ABI3BP: variants seen among roughly 807,000 people sequenced by gnomAD.
ABI3BP encodes target of Nesh-SH3.
ABI3BP carries 216 observed loss-of-function variants against 268.6 expected under a neutral mutation model. That is an observed-to-expected ratio of 0.80 (90% CI 0.72 to 0.90). The LOEUF (loss-of-function observed/expected upper bound fraction) is 0.90, where lower values mean the gene tolerates loss of function less well. ABI3BP is among the 40% of genes least tolerant of loss of function. The pLI is 0.00. For synonymous variants in ABI3BP, 730 were observed against 730.0 expected (o/e 1.00, Z 0.00); for missense variants, 2,090 against 2,182.4 (o/e 0.96, Z 0.84).
At chr3:100,880,023 T>A (rs555440267) in intron 6 of ABI3BP, among the ~76,000 whole-genome samples, 1 of 152,354 alleles carries the variant, frequency 6.6e-6, no homozygotes, top group East Asian at 1.9e-4. Flanking sequence ...ATTTCCAAGA[T>A]ACAGTGTTTA....
At chr3:100,977,685 T>G (rs900128129) in intron 1 of ABI3BP, among the ~76,000 whole-genome samples, 6 of 152,196 alleles carry the variant, frequency 3.9e-5, no homozygotes, top group African/African-American at 1.4e-4. Context: ...ATATTTTCAC[T>G]TCACTTTTTC....
Position 100,926,307 on chromosome 3 carries a change from A to G in ABI3BP, c.254T>C (p.Ile85Thr), listed in dbSNP as rs760200730. The change falls in exon 2 of 68, where the codon ATA (isoleucine) becomes ACA (threonine). Residue 85 changes from isoleucine (I) to threonine (T), a missense_variant. Physicochemically the swap from Ile to Thr is moderately conservative, Grantham distance 89. Transcript: ENST00000471714. ...LPAEGKFTEA[I>T]VDAEPKYLIV... ...CCGATACCCAAACACCTTACCAACT[A>G]TAGCTTCTGTGAATTTCCCTTCAGC... 3.7e-6 allele frequency: 6 copies of G among 1,613,158 alleles called. No homozygotes were observed. The South Asian group carries it at 6.6e-5, about 18-fold the overall frequency.
chr3:100,981,704 T>G (rs2089555661), intron 1 of ABI3BP, among the ~76,000 whole-genome samples: 1 of 152,212 alleles, frequency 6.6e-6, no homozygotes, highest in Non-Finnish European at 1.5e-5. Context: ...CAGGGAGAGC[T>G]GGATGAGAGT....
chr3:100,894,723 A>C (rs2153454385), intron 4 of ABI3BP, among the ~76,000 whole-genome samples: 1 of 152,096 alleles, frequency 6.6e-6, no homozygotes, highest in African/African-American at 2.4e-5. Flanking sequence ...GCAGATCACG[A>C]GGTCAGGAGA....
At chr3:100,887,683 C>G (rs1184779409) in intron 4 of ABI3BP, among the ~76,000 whole-genome samples, 1 of 152,008 alleles carries the variant, frequency 6.6e-6, no homozygotes, top group Non-Finnish European at 1.5e-5. Context: ...TTCCTCCACT[C>G]CTTACATCAG....
At chr3:100,944,236 C>A (rs932378527) in intron 1 of ABI3BP, among the ~76,000 whole-genome samples, 1 of 152,068 alleles carries the variant, frequency 6.6e-6, no homozygotes, top group African/African-American at 2.4e-5. Flanking sequence ...TTTTAAAAAT[C>A]CTGTCCTTAC....
At chr3:100,974,730 G>A (rs2085271470) in intron 1 of ABI3BP, among the ~76,000 whole-genome samples, 2 of 152,122 alleles carry the variant, frequency 1.3e-5, no homozygotes, top group African/African-American at 4.8e-5. Context: ...CTAGAGAAGG[G>A]AACTTTTATG....
intron 1 of ABI3BP, among the ~76,000 whole-genome samples, chr3:100,971,102 T>G (rs910022557): frequency 6.6e-6 from 1 of 152,212 alleles, no homozygotes; most frequent in African/African-American, 2.4e-5. Context: ...ATATACAGCA[T>G]TCCTCAGCAT....
chr3:100,985,067 C>T (rs980845586), intron 1 of ABI3BP, among the ~76,000 whole-genome samples: 1 of 151,338 alleles, frequency 6.6e-6, no homozygotes, highest in Non-Finnish European at 1.5e-5. Flanking sequence ...TCTTTCTCTA[C>T]ACACAAGTTT....
chr3:100,854,438 A>T (rs890216742), intron 14 of ABI3BP, among the ~76,000 whole-genome samples: 2 of 152,204 alleles, frequency 1.3e-5, no homozygotes, highest in Admixed American at 1.3e-4. Flanking sequence ...AACAATCAAC[A>T]GCTCTTGATT....
chr3:100,783,923 A>AT (rs1349498588), intron 57 of ABI3BP, among the ~76,000 whole-genome samples: 1 of 152,134 alleles, frequency 6.6e-6, no homozygotes, highest in Non-Finnish European at 1.5e-5. Context: ...TCTCAAGGAG[A>AT]TTTTAATAGG....
chr3:100,975,210 G>A (rs977030697), intron 1 of ABI3BP, among the ~76,000 whole-genome samples: 4 of 152,014 alleles, frequency 2.6e-5, no homozygotes, highest in Non-Finnish European at 5.9e-5. Context: ...AATCAAAAAT[G>A]TTTACACTTG....
chr3:100,824,526 A>G (rs2098328032), intron 36 of ABI3BP, among the ~76,000 whole-genome samples: 1 of 152,224 alleles, frequency 6.6e-6, no homozygotes, highest in Non-Finnish European at 1.5e-5. Context: ...CAAGGCACTT[A>G]CGATTATGTT....
chr3:100,944,920 C>G (rs1053351118), intron 1 of ABI3BP, among the ~76,000 whole-genome samples: 11 of 152,142 alleles, frequency 7.2e-5, no homozygotes, highest in African/African-American at 2.7e-4. Context: ...CTCAACTCCA[C>G]TGTGGGCATC....
In ABI3BP at chr3:100,765,895, A is replaced by G. The variant is rs767168486; in HGVS notation, c.4796T>C (p.Ile1599Thr). ...NGSFSGKNKS[I>T]QMTNQTFSTV... Reference sequence around the variant, plus strand: ...GGAAAATGTCTGATTTGTCATTTGAATGGACTTGTTCTTCCCACTGAATGA... The same window carrying G: ...GGAAAATGTCTGATTTGTCATTTGAGTGGACTTGTTCTTCCCACTGAATGA... The change falls in exon 63 of 68, where the codon ATT becomes ACT. Residue 1599 changes from isoleucine to threonine, a missense_variant. Physicochemically the swap from Ile to Thr is moderately conservative, Grantham distance 89. Transcript: ENST00000471714. 1 of 1,613,066 alleles carries G rather than the reference A, an allele frequency of 6.2e-7. No individual in the cohort carries two copies. The highest frequency in any genetic ancestry group is 1.7e-5 in the Admixed American group (1 of 59,958).
At chr3:100,797,875 GA>G (rs573261275) in intron 51 of ABI3BP, among the ~76,000 whole-genome samples, 166 of 152,164 alleles carry the variant, frequency 1.1e-3, no homozygotes, top group African/African-American at 3.8e-3. Context: ...ATAAGGTAGA[GA>G]AAGCCCACCA....
At chr3:100,802,079 C>T (rs1286561403) in intron 51 of ABI3BP, among the ~76,000 whole-genome samples, 1 of 152,080 alleles carries the variant, frequency 6.6e-6, no homozygotes, top group Non-Finnish European at 1.5e-5. Context: ...CAATAAGGCT[C>T]AATTTTTAAG....
At chr3:100,786,147 AG>A (rs1230180683) in intron 57 of ABI3BP, among the ~76,000 whole-genome samples, 2 of 152,108 alleles carry the variant, frequency 1.3e-5, no homozygotes, top group Non-Finnish European at 2.9e-5. Flanking sequence ...CTTCCTTGAC[AG>A]GGGATCCCAA....
At chr3:100,984,189 G>T (rs1298478184) in intron 1 of ABI3BP, among the ~76,000 whole-genome samples, 1 of 151,640 alleles carries the variant, frequency 6.6e-6, no homozygotes. Flanking sequence ...AAATAAATTT[G>T]TTGGGGAGGC....
Sources: gnomAD v4.1 joint callset for allele counts (sites outside exome capture counted in the v4.1 genomes callset) on GRCh38, gnomAD v4.1.1 for gene constraint, MANE v1.5 for transcripts, NCBI Gene and HGNC (gene_info 2026-07-23, HGNC 2026-07-21) for gene names.